NDST4: variants seen among roughly 807,000 people sequenced by gnomAD.
NDST4 encodes N-heparan sulfate sulfotransferase 4.
In NDST4, 63 loss-of-function variants were observed where a neutral mutation model predicts 100.8. The ratio of observed to expected loss-of-function variants is 0.62; its 90% CI spans 0.51 to 0.77. NDST4 has a LOEUF of 0.77. Among genes scored for constraint, NDST4 ranks in the 30% least tolerant of loss-of-function variants. The pLI is 0.00. For synonymous variants in NDST4, 377 were observed against 361.8 expected (o/e 1.04, Z -0.48); for missense variants, 943 against 1,018.4 (o/e 0.93, Z 1.01).
chr4:114,926,642 A>G (rs1214067535), intron 6 of NDST4, among the ~76,000 whole-genome samples: 1 of 152,130 alleles, frequency 6.6e-6, no homozygotes, highest in Non-Finnish European at 1.5e-5. Context: ...GAGAGGGCCA[A>G]CACAAAATAA....
intron 1 of NDST4, among the ~76,000 whole-genome samples, chr4:115,084,422 T>G (rs1729367035): frequency 6.6e-6 from 1 of 152,142 alleles, no homozygotes; most frequent in Non-Finnish European, 1.5e-5. Context: ...GAAATTTGCA[T>G]AAGTAACAAG....
intron 10 of NDST4, among the ~76,000 whole-genome samples, chr4:114,841,968 C>G (rs1723435894): frequency 6.6e-6 from 1 of 151,840 alleles, no homozygotes; most frequent in Non-Finnish European, 1.5e-5. Context: ...GAAAAAGAAG[C>G]AAAAAAATGA....
At chr4:115,040,855 T>C (rs933049013) in intron 2 of NDST4, among the ~76,000 whole-genome samples, 3 of 152,008 alleles carry the variant, frequency 2.0e-5, no homozygotes, top group Non-Finnish European at 4.4e-5. Context: ...TATGTGCATA[T>C]ATATATATAT....
chr4:114,858,915 G>A (rs1447705756), intron 7 of NDST4, among the ~76,000 whole-genome samples: 2 of 152,172 alleles, frequency 1.3e-5, no homozygotes, highest in African/African-American at 4.8e-5. Flanking sequence ...ACATGGAAAT[G>A]AGTTACCATC....
intron 6 of NDST4, among the ~76,000 whole-genome samples, chr4:114,911,495 TTATAA>T (rs1251299984): frequency 3.3e-5 from 5 of 152,158 alleles, no homozygotes; most frequent in Non-Finnish European, 7.4e-5. Context: ...TCACTCCCCC[TTATAA>T]TATAATCTCA....
At chr4:114,940,659 AG>A (rs1725729778) in intron 4 of NDST4, among the ~76,000 whole-genome samples, 1 of 152,178 alleles carries the variant, frequency 6.6e-6, no homozygotes, top group South Asian at 2.1e-4. Flanking sequence ...GTGGAAGGTC[AG>A]GTGACAGCCT....
intron 1 of NDST4, among the ~76,000 whole-genome samples, chr4:115,106,124 G>A (rs150279804): frequency 6.8e-4 from 103 of 152,112 alleles, no homozygotes; most frequent in African/African-American, 2.5e-3. Flanking sequence ...TGTGGGGGTA[G>A]GGCAAAAATA....
intron 6 of NDST4, among the ~76,000 whole-genome samples, chr4:114,879,940 C>G (rs1379596927): frequency 6.6e-6 from 1 of 152,102 alleles, no homozygotes; most frequent in Admixed American, 6.6e-5. Context: ...GATTATTTAC[C>G]AGTGTCCCAG....
intron 2 of NDST4, among the ~76,000 whole-genome samples, chr4:115,009,965 G>T (rs1727505988): frequency 9.9e-6 from 1 of 101,252 alleles, no homozygotes; most frequent in Non-Finnish European, 2.0e-5. Context: ...TCAGAGAAAT[G>T]CAAATCAAAA....
At chr4:114,863,372 G>A (rs554444505) in intron 7 of NDST4, among the ~76,000 whole-genome samples, 1 of 152,328 alleles carries the variant, frequency 6.6e-6, no homozygotes, top group South Asian at 2.1e-4. Context: ...CGTTCTCTCT[G>A]CAGTTAAATT....
At chr4:114,837,049 T>C (rs550720095) in intron 11 of NDST4, among the ~76,000 whole-genome samples, 2 of 152,214 alleles carry the variant, frequency 1.3e-5, no homozygotes, top group African/African-American at 2.4e-5. Context: ...CTTCCTTGCA[T>C]TGGGTTACAA....
rs766478102 is a variant in NDST4 at position 114,852,705 on chromosome 4, G to A, written c.1816+20C>T. 2.2e-6 allele frequency: 3 copies of A among 1,342,816 alleles called. No homozygotes were observed. The highest frequency in any genetic ancestry group is 3.4e-5 in the Admixed American group (2 of 58,380). 83.2% of individuals were successfully genotyped at this position (1,342,816 alleles called of 1,614,324 possible). On this transcript the variant is annotated intron_variant, in intron 8 of 13. Transcript: ENST00000264363. ...AATATTTTTAAAAAGGATATAAGTAGCACAATTGGCTATTTTTACCTGTTT... is the reference window on the plus strand; with the variant it reads ...AATATTTTTAAAAAGGATATAAGTAACACAATTGGCTATTTTTACCTGTTT...
intron 2 of NDST4, among the ~76,000 whole-genome samples, 175 bp downstream of exon 2, chr4:115,075,884 T>A (rs1341338111): frequency 1.3e-5 from 2 of 151,764 alleles, no homozygotes; most frequent in African/African-American, 4.8e-5. Flanking sequence ...CTGGTGTGTG[T>A]ATGTGTGTGT....
chr4:115,037,334 T>C (rs1217433733), intron 2 of NDST4, among the ~76,000 whole-genome samples: 1 of 152,120 alleles, frequency 6.6e-6, no homozygotes, highest in African/African-American at 2.4e-5. Context: ...GGTATTTTAG[T>C]TGGACAGAAG....
At chr4:114,856,048 C>A (rs1335420945) in intron 7 of NDST4, among the ~76,000 whole-genome samples, 1 of 151,598 alleles carries the variant, frequency 6.6e-6, no homozygotes, top group African/African-American at 2.4e-5. Flanking sequence ...GAGATAAGCC[C>A]CTTCCTTTCC....
Position 114,927,106 on chromosome 4 carries a change from TTTAA to T in NDST4, c.1536+8096_1536+8099del, listed in dbSNP as rs200202627. On this transcript the variant is annotated intron_variant, in intron 6 of 13. Transcript: ENST00000264363. ...GATATCTTCCCATTTTATCTCATCC[TTTAA>T]TTGTCAAATATGTTGACAAACTATT... Among the ~76,000 whole-genome samples the T allele has an allele frequency of 1.4e-4, 22 of 152,186 alleles. No individual in the cohort carries two copies. In the East Asian group the frequency reaches 4.2e-3, roughly 29 times the overall value.
intron 12 of NDST4, among the ~76,000 whole-genome samples, chr4:114,830,134 AC>A (rs1420286970): frequency 6.6e-6 from 1 of 152,232 alleles, no homozygotes; most frequent in African/African-American, 2.4e-5. Context: ...GTTTACTTTT[AC>A]ATGAACATTT....
At chr4:114,858,450 G>T (rs2126191516) in intron 7 of NDST4, among the ~76,000 whole-genome samples, 1 of 152,274 alleles carries the variant, frequency 6.6e-6, no homozygotes. Flanking sequence ...GGCCCTGAAA[G>T]TCACTGGTCC....
intron 3 of NDST4, among the ~76,000 whole-genome samples, chr4:114,973,131 G>T (rs911011491): frequency 6.6e-6 from 1 of 151,966 alleles, no homozygotes; most frequent in Non-Finnish European, 1.5e-5. Flanking sequence ...AATCTCAAAT[G>T]ATTTCAAATC....
Sources: gnomAD v4.1 joint callset for allele counts (sites outside exome capture counted in the v4.1 genomes callset) on GRCh38, gnomAD v4.1.1 for gene constraint, MANE v1.5 for transcripts, NCBI Gene and HGNC (gene_info 2026-07-23, HGNC 2026-07-21) for gene names.